KDR: variants seen among roughly 807,000 people sequenced by gnomAD.
The protein encoded by KDR is kinase insert domain receptor.
KDR carries 43 observed loss-of-function variants against 160.9 expected under a neutral mutation model. That is an observed-to-expected ratio of 0.27 (90% confidence interval 0.21 to 0.34). The LOEUF (loss-of-function observed/expected upper bound fraction) is 0.34. Among genes scored for constraint, KDR ranks in the 10% least tolerant of loss-of-function variants. KDR has a pLI of 1.00. For synonymous variants in KDR, 617 were observed against 600.1 expected, an observed-to-expected ratio of 1.03 and a Z score of -0.41; for missense variants, 1,469 against 1,666.4, an observed-to-expected ratio of 0.88 and a Z score of 2.06.
chr4:55,087,543 A>G (rs1719892656), intron 27 of KDR, 64 bp downstream of exon 27: 4 of 1,482,762 alleles, frequency 2.7e-6, no homozygotes, highest in Admixed American at 3.4e-5. Context: ...TCCACTTCCA[A>G]TCCCCCTCCC....
chr4:55,080,307 A>G (rs557666629), intron 29 of KDR, 144 bp from the exon 30 acceptor site: 1 of 745,786 alleles, frequency 1.3e-6, no homozygotes, highest in East Asian at 2.7e-5. Context: ...TAATCAGCAT[A>G]GCAGGTTTAC....
intron 9 of KDR, among the ~76,000 whole-genome samples, chr4:55,108,501 GAGAAAAAAATGAAAC>G (rs1460844735): frequency 3.3e-5 from 5 of 152,096 alleles, no homozygotes; most frequent in Non-Finnish European, 1.5e-5. Flanking sequence ...CTTTATACGT[GAGAAAAAAATGAAAC>G]AGAAAAAAAT....
At position 55,125,337 on chromosome 4, in the gene KDR, G is replaced by A. The variant is rs575376068; in HGVS notation, c.-44C>T. On this transcript the variant is annotated 5_prime_UTR_variant, in exon 1 of 30. Transcript: ENST00000263923. ...CGAAATGCCCAGAACTCGGGAGCCGGTTCTTTCTCCCAGCGCCTGTCTAGA... is the reference window on the plus strand; with the variant it reads ...CGAAATGCCCAGAACTCGGGAGCCGATTCTTTCTCCCAGCGCCTGTCTAGA... 2.1e-5 allele frequency: 33 copies of A among 1,580,440 alleles called. No homozygotes were observed. In the South Asian group the frequency reaches 3.5e-4, roughly 17 times the overall value.
chr4:55,118,099 CAT>C (rs1216114644), intron 3 of KDR, among the ~76,000 whole-genome samples: 32 of 152,262 alleles, frequency 2.1e-4, no homozygotes, highest in Admixed American at 1.9e-3. Context: ...TTTATTTGCA[CAT>C]GAGTATGGGA....
chr4:55,112,242 C>T (rs1720605324), intron 7 of KDR, among the ~76,000 whole-genome samples: 1 of 152,052 alleles, frequency 6.6e-6, no homozygotes, highest in Non-Finnish European at 1.5e-5. Flanking sequence ...AGCAAAACCA[C>T]CCCCTCCTCT....
At chr4:55,103,867 G>A (rs533426761) in intron 13 of KDR, among the ~76,000 whole-genome samples, 1 of 152,136 alleles carries the variant, frequency 6.6e-6, no homozygotes, top group South Asian at 2.1e-4. Context: ...ACAAAGAGAC[G>A]CTCCCCAAAT....
chr4:55,098,228 C>T lies in KDR; in HGVS notation c.2418G>A (p.Met806Ile), dbSNP rs1186564424. The change falls in exon 17 of 30, where the codon ATG becomes ATA. Residue 806 changes from methionine (M) to isoleucine (I), a missense_variant. By Grantham distance (10) the Met-to-Ile change is conservative. Coordinates refer to ENST00000263923, the MANE Select transcript of KDR (RefSeq NM_002253.4). ...ELKTGYLSIV[M>I]DPDELPLDEH... ...CATCCAATGGGAGTTCATCTGGATCCATGACGATGGACAAGTAGCCTGTCT... is the reference window on the plus strand; with the variant it reads ...CATCCAATGGGAGTTCATCTGGATCTATGACGATGGACAAGTAGCCTGTCT... 1 of 1,613,888 alleles carries T rather than the reference C, an allele frequency of 6.2e-7. No homozygotes were observed.
intron 2 of KDR, among the ~76,000 whole-genome samples, chr4:55,119,501 A>G (rs1720813692): frequency 6.6e-6 from 1 of 152,232 alleles, no homozygotes. Flanking sequence ...GATAGTGTTT[A>G]GTACTATGGA....
At chr4:55,109,037 C>T (rs888604890) in intron 9 of KDR, among the ~76,000 whole-genome samples, 1 of 152,082 alleles carries the variant, frequency 6.6e-6, no homozygotes, top group Non-Finnish European at 1.5e-5. Flanking sequence ...TTTCTCCTCT[C>T]CCCAGTCCCC....
chr4:55,090,153 C>CAAAAAAAAA, intron 22 of KDR, 75 bp from the exon 23 acceptor site: 1 of 1,509,484 alleles, frequency 6.6e-7, no homozygotes, highest in Admixed American at 1.9e-5. Flanking sequence ...CCTCATGCAT[C>CAAAAAAAAA]AAAAAAAAAT....
intron 15 of KDR, among the ~76,000 whole-genome samples, chr4:55,100,429 A>C (rs1345446696): frequency 6.6e-6 from 1 of 152,200 alleles, no homozygotes; most frequent in Non-Finnish European, 1.5e-5. Context: ...GGAACCCAGC[A>C]GGAGTATTAA....
At chr4:55,090,230 A>C (rs1719975219) in intron 22 of KDR, 152 bp from the exon 23 acceptor site, 2 of 826,372 alleles carry the variant, frequency 2.4e-6, no homozygotes, top group Non-Finnish European at 3.9e-6. Context: ...CTTCAGGAAA[A>C]AAGTCTGTGA....
chr4:55,095,456 G>GT (rs1235743206), intron 20 of KDR, 121 bp downstream of exon 20: 1 of 737,954 alleles, frequency 1.4e-6, no homozygotes, highest in East Asian at 2.6e-5. Flanking sequence ...CAGCCAAGAG[G>GT]TAATATGAGA....
At position 55,087,676 on chromosome 4, in the gene KDR, G is replaced by A; in HGVS notation, c.3593C>T (p.Pro1198Leu). ...EDSGLSLPTS[P>L]VSCMEEEEVC... ...TTCCTCCTCCTCCATACAGGAAACA[G>A]GTGAGGTAGGCAGAGAGAGTCCAGA... The change falls in exon 27 of 30, where the codon CCT becomes CTT. Residue 1198 changes from proline (P) to leucine (L), a missense_variant. By Grantham distance (98) the Pro-to-Leu change is moderately conservative. This residue lies in a region of KDR where 229 missense variants were observed against 197.8 expected (regional missense o/e 1.16). Transcript: ENST00000263923. 1.2e-6 allele frequency: 2 copies of A among 1,614,018 alleles called. No homozygotes were observed. The highest frequency in any genetic ancestry group is 1.7e-6 in the Non-Finnish European group (2 of 1,179,856).
intron 7 of KDR, among the ~76,000 whole-genome samples, chr4:55,112,709 T>A (rs1184298855): frequency 6.6e-6 from 1 of 152,008 alleles, no homozygotes; most frequent in African/African-American, 2.4e-5. Context: ...TTTGGATTTT[T>A]AGTAGAGATG....
Position 55,086,370 on chromosome 4 carries a change from G to T in KDR, c.3662+1237C>A, listed in dbSNP as rs545300544. On this transcript the variant is annotated intron_variant, in intron 27 of 29. Coordinates refer to ENST00000263923, the MANE Select transcript of KDR (RefSeq NM_002253.4). ...TCACAGATAAAGAAACTGAGGCAGAGGGTAGATGATTTGCCCCAAGTTGCA... is the reference window on the plus strand; with the variant it reads ...TCACAGATAAAGAAACTGAGGCAGATGGTAGATGATTTGCCCCAAGTTGCA... Among the ~76,000 whole-genome samples the T allele has an allele frequency of 8.5e-5, 13 of 152,270 alleles. No homozygotes were observed. The South Asian group carries it at 2.7e-3, about 32-fold the overall frequency.
At position 55,115,025 on chromosome 4, in the gene KDR, T is replaced by C. The variant is rs1013846045; in HGVS notation, c.507A>G (p.Arg169=). The C allele has an allele frequency of 1.9e-6, 3 of 1,613,416 alleles. No homozygotes were observed. Among genetic ancestry groups the C allele is most frequent in the Non-Finnish European group, 2.5e-6 (3 of 1,179,560 alleles). Reference sequence around the variant, plus strand: ...AAATTCTGTTACCATCAGGAACAAATCTCTTTTCTGGGTATCTCTGGGTAA... The same window carrying C: ...AAATTCTGTTACCATCAGGAACAAACCTCTTTTCTGGGTATCTCTGGGTAA... ...VSLCARYPEK[R]FVPDGNRISW... Residue 169 remains arginine (R), a synonymous_variant, in exon 5 of 30, where the codon AGA becomes AGG. Transcript: ENST00000263923.
At position 55,101,888 on chromosome 4, in the gene KDR, C is replaced by A. The variant is rs2110020427; in HGVS notation, c.2266+9G>T. On this transcript the variant is annotated intron_variant, in intron 15 of 29. Transcript: ENST00000263923. ...GTATATGTACCACATTTTTTTTTAT[C>A]CCACTGACCTTCTATTATGAAAAAT... is the stretch of plus-strand genomic sequence containing the variant. The A allele has an allele frequency of 6.2e-7, 1 of 1,610,076 alleles. No individual in the cohort carries two copies. The highest frequency in any genetic ancestry group is 1.7e-5 in the Admixed American group (1 of 59,856).
intron 9 of KDR, among the ~76,000 whole-genome samples, chr4:55,109,780 C>G (rs1720530705): frequency 1.3e-5 from 2 of 152,196 alleles, no homozygotes; most frequent in South Asian, 4.1e-4. Context: ...CTTCTCCCCA[C>G]TCCATTCCAA....
Sources: gnomAD v4.1 joint callset for allele counts (sites outside exome capture counted in the v4.1 genomes callset) on GRCh38, gnomAD v4.1.1 for gene constraint, gnomAD v4.1.1 regional missense constraint, MANE v1.5 for transcripts, NCBI Gene and HGNC (gene_info 2026-07-23, HGNC 2026-07-21) for gene names.